CBLN2: variants seen among roughly 807,000 people sequenced by gnomAD.
CBLN2 encodes the protein cerebellin-2.
A neutral mutation model predicts 15.0 loss-of-function variants in CBLN2; 7 were observed. The observed-to-expected ratio is 0.47, with a 90% CI of 0.27 to 0.88. The LOEUF (loss-of-function observed/expected upper bound fraction) is 0.88. Among genes scored for constraint, CBLN2 ranks in the 40% least tolerant of loss-of-function variants. The pLI is 0.14. For synonymous variants in CBLN2, 149 were observed against 135.2 expected, an observed-to-expected ratio of 1.10 and a Z score of -0.71; for missense variants, 242 against 304.5, an observed-to-expected ratio of 0.79 and a Z score of 1.53.
At chr18:72,549,445 A>G (rs2069178497) in intron 1 of CBLN2, among the ~76,000 whole-genome samples, 1 of 152,214 alleles carries the variant, frequency 6.6e-6, no homozygotes, top group Non-Finnish European at 1.5e-5. Flanking sequence ...TTTACTGCAG[A>G]CACATAGGAG....
At chr18:72,596,845 C>T (rs1243566868) in intron 1 of CBLN2, among the ~76,000 whole-genome samples, 1 of 152,064 alleles carries the variant, frequency 6.6e-6, no homozygotes, top group Admixed American at 6.6e-5. Context: ...CTTTAAGATC[C>T]TTTCTTTTCC....
rs531709661 is a variant in CBLN2, at chr18:72,543,348, C to A, written c.-167+138G>T. 3.8e-5 allele frequency: 15 copies of A among 392,122 alleles called. No homozygotes were observed. In the East Asian group the frequency reaches 5.1e-4, roughly 13 times the overall value. 24.3% of individuals were successfully genotyped at this position (392,122 alleles called of 1,614,324 possible). A position where few individuals can be genotyped will look rare whatever the true frequency, so the allele number is the denominator to read the frequency against. ...TGGCTCTTGATAAATATCCGCTGTC[C>A]GCAGCCCCGATCCTACATGATTTCC... On this transcript the variant is annotated intron_variant, in intron 2 of 4. Coordinates refer to ENST00000269503, the MANE Select transcript of CBLN2 (RefSeq NM_182511.4). The surrounding 1 kb of genome is among the most constrained non-coding windows in gnomAD (Gnocchi z 6.8).
rs1193236809 is a variant in CBLN2 at position 72,585,715 on chromosome 18, G to A, written c.16-46943C>T. 3.3e-5 allele frequency among the ~76,000 whole-genome samples: 5 copies of A among 152,292 alleles called. 1 individual carries two copies. Among genetic ancestry groups the A allele is most frequent in the South Asian group, 4.1e-4 (2 of 4,828 alleles). Reference sequence around the variant, plus strand: ...CCACCCAGAAGCCTGTCTGCCTCCTGCTGCCATCAACCTCCAGGGTGCCCA... The same window carrying A: ...CCACCCAGAAGCCTGTCTGCCTCCTACTGCCATCAACCTCCAGGGTGCCCA... On this transcript the variant is annotated intron_variant, in intron 1 of 2. Transcript: ENST00000581073.
At chr18:72,595,704 A>G (rs1325888967) in intron 1 of CBLN2, among the ~76,000 whole-genome samples, 6 of 152,100 alleles carry the variant, frequency 3.9e-5, no homozygotes, top group African/African-American at 1.2e-4. Flanking sequence ...CAGTGCTCCA[A>G]TGTTGAGTGC....
intron 1 of CBLN2, among the ~76,000 whole-genome samples, chr18:72,609,774 A>G (rs542755482): frequency 6.6e-6 from 1 of 152,324 alleles, no homozygotes; most frequent in Admixed American, 6.5e-5. Context: ...TTGAGAGCAA[A>G]CTTCAGAAGT....
At chr18:72,549,794 T>C (rs1477332617) in intron 1 of CBLN2, among the ~76,000 whole-genome samples, 1 of 152,208 alleles carries the variant, frequency 6.6e-6, no homozygotes, top group African/African-American at 2.4e-5. Flanking sequence ...TATCATCCTG[T>C]ATAAGATTAT....
rs558438711 is a variant in CBLN2, at chr18:72,602,305, C to A, written c.15+36020G>T. On this transcript the variant is annotated intron_variant, in intron 1 of 2. Transcript: ENST00000581073. ...GGTGGACGGCAAAGCCTGTTGCCGG[C>A]GGCTGTGCTCTGGGTCTGGTGAGGA... 3.9e-4 allele frequency among the ~76,000 whole-genome samples: 59 copies of A among 152,326 alleles called. No homozygotes were observed. The South Asian group carries it at 0.012, about 31-fold the overall frequency.
upstream of CBLN2, among the ~76,000 whole-genome samples, chr18:72,547,448 CT>C (rs1355616267): frequency 6.6e-6 from 1 of 151,994 alleles, no homozygotes; most frequent in Admixed American, 6.6e-5. Flanking sequence ...CATGTACCCC[CT>C]AAATCTATTT....
intron 1 of CBLN2, among the ~76,000 whole-genome samples, chr18:72,628,521 C>T (rs1599030402): frequency 6.6e-6 from 1 of 152,224 alleles, no homozygotes; most frequent in South Asian, 2.1e-4. Context: ...CGGAGATGGC[C>T]CGGCCTTTAT....
chr18:72,625,361 C>T (rs1229109741), intron 1 of CBLN2: 3 of 152,098 alleles, frequency 2.0e-5, no homozygotes, highest in African/African-American at 7.2e-5. Flanking sequence ...TTCTGTCCCT[C>T]CTCCTCCCCA....
At chr18:72,559,778 G>A (rs941588825) in intron 1 of CBLN2, among the ~76,000 whole-genome samples, 4 of 152,140 alleles carry the variant, frequency 2.6e-5, no homozygotes, top group African/African-American at 9.7e-5. Context: ...TCTAAAGGGC[G>A]CTTCATATAG....
chr18:72,594,663 G>A (rs1452535349), intron 1 of CBLN2, among the ~76,000 whole-genome samples: 1 of 151,534 alleles, frequency 6.6e-6, no homozygotes, highest in Non-Finnish European at 1.5e-5. Context: ...GGAGTCCTGT[G>A]GTTTTCTTTG....
At chr18:72,578,090 T>C (rs1430668440) in intron 1 of CBLN2, among the ~76,000 whole-genome samples, 3 of 152,202 alleles carry the variant, frequency 2.0e-5, no homozygotes, top group Non-Finnish European at 4.4e-5. Flanking sequence ...AAGCTTCAAT[T>C]CACTCATTTC....
At chr18:72,541,109 T>A (rs555721058) in intron 3 of CBLN2, among the ~76,000 whole-genome samples, 3 of 152,240 alleles carry the variant, frequency 2.0e-5, no homozygotes, top group African/African-American at 7.2e-5. Context: ...ATAAGTTAAG[T>A]GGCTTAAGGT....
chr18:72,614,987 A>G (rs1462150725), intron 1 of CBLN2, among the ~76,000 whole-genome samples: 1 of 146,840 alleles, frequency 6.8e-6, no homozygotes, highest in Non-Finnish European at 1.5e-5. Context: ...GACTATACAC[A>G]TAACATAGGT....
chr18:72,597,498 G>A (rs967948993), intron 1 of CBLN2, among the ~76,000 whole-genome samples: 1 of 152,168 alleles, frequency 6.6e-6, no homozygotes, highest in Non-Finnish European at 1.5e-5. Flanking sequence ...CCCAAAGCCA[G>A]CATAGTACAA....
intron 1 of CBLN2, among the ~76,000 whole-genome samples, chr18:72,616,356 T>C (rs2069662081): frequency 6.6e-6 from 1 of 152,166 alleles, no homozygotes; most frequent in Non-Finnish European, 1.5e-5. Context: ...AATTGGTGCA[T>C]TTTTTCTTTC....
chr18:72,598,583 C>G (rs540156419), intron 1 of CBLN2, among the ~76,000 whole-genome samples: 1 of 152,314 alleles, frequency 6.6e-6, no homozygotes, highest in South Asian at 2.1e-4. Flanking sequence ...GCCACATGCC[C>G]CCCAAATCCA....
chr18:72,547,429 A>G (rs1179202335), upstream of CBLN2, among the ~76,000 whole-genome samples: 3 of 152,222 alleles, frequency 2.0e-5, no homozygotes, highest in African/African-American at 4.8e-5. Flanking sequence ...CCTGTGTAAG[A>G]AAACGGCACA....
Sources: gnomAD v4.1 joint callset for allele counts (sites outside exome capture counted in the v4.1 genomes callset) on GRCh38, gnomAD v4.1.1 for gene constraint, Gnocchi (gnomAD v3.1) non-coding constraint, MANE v1.5 for transcripts, NCBI Gene and HGNC (gene_info 2026-07-23, HGNC 2026-07-21) for gene names.